GALNTL6: variants seen among roughly 807,000 people sequenced by gnomAD.
GALNTL6 encodes the protein polypeptide N-acetylgalactosaminyltransferase like 6.
Under a neutral mutation model 73.7 loss-of-function variants are expected in GALNTL6, and 46 were observed. The ratio of observed to expected loss-of-function variants is 0.62; its 90% confidence interval spans 0.49 to 0.80. The LOEUF is 0.80. GALNTL6 is among the 30% of genes least tolerant of loss of function. GALNTL6 has a pLI of 0.00. For missense variants in GALNTL6, 604 were observed against 755.0 expected (o/e 0.80, Z 2.34); for synonymous variants, 259 against 263.7 (o/e 0.98, Z 0.17).
At chr4:172,852,835 T>C (rs1036565663) in intron 7 of GALNTL6, among the ~76,000 whole-genome samples, 1 of 152,170 alleles carries the variant, frequency 6.6e-6, no homozygotes, top group Non-Finnish European at 1.5e-5. Context: ...AAAAATGATA[T>C]AAGTCCAGTT....
intron 2 of GALNTL6, among the ~76,000 whole-genome samples, chr4:171,985,193 T>C (rs1740029912): frequency 6.6e-6 from 1 of 152,036 alleles, no homozygotes. Flanking sequence ...TGAGACTGGG[T>C]ATTTTATAAA....
chr4:172,600,601 G>A (rs889281319), intron 5 of GALNTL6, among the ~76,000 whole-genome samples: 1 of 152,130 alleles, frequency 6.6e-6, no homozygotes, highest in Non-Finnish European at 1.5e-5. Context: ...GTAAAACTAC[G>A]TAAGTCTAGG....
rs530551424 is a variant in GALNTL6, at chr4:171,973,990, GTTTGT to G, written c.138+159276_138+159280del. 5.6e-3 allele frequency among the ~76,000 whole-genome samples: 855 copies of G among 151,892 alleles called. 5 individuals are homozygous for G. Among genetic ancestry groups the G allele is most frequent in the African/African-American group, 0.019 (806 of 41,448 alleles). The stretch of plus-strand genomic sequence containing the variant: ...GACATTTTGTTTTTGCAATTTTTTT[GTTTGT>G]TTTATTTTATTTATTTATTTTTTTG... On this transcript the variant is annotated intron_variant, in intron 2 of 12. Coordinates refer to ENST00000506823, the MANE Select transcript of GALNTL6 (RefSeq NM_001034845.3).
At chr4:172,211,570 A>T (rs1049258890) in intron 2 of GALNTL6, among the ~76,000 whole-genome samples, 8 of 152,196 alleles carry the variant, frequency 5.3e-5, no homozygotes, top group African/African-American at 1.9e-4. Flanking sequence ...ATATGTGCAG[A>T]AGCATCAGAA....
intron 8 of GALNTL6, among the ~76,000 whole-genome samples, chr4:172,902,178 TG>T (rs1746662397): frequency 6.6e-6 from 1 of 152,256 alleles, no homozygotes; most frequent in Admixed American, 6.5e-5. Context: ...ACATCTTAAA[TG>T]TTGTCTACTG....
chr4:172,323,309 G>T (rs1740822540), intron 4 of GALNTL6, among the ~76,000 whole-genome samples: 1 of 152,054 alleles, frequency 6.6e-6, no homozygotes, highest in Non-Finnish European at 1.5e-5. Flanking sequence ...TAAATTACTA[G>T]ATATCACTGC....
At chr4:172,263,962 A>G (rs1738344849) in intron 3 of GALNTL6, among the ~76,000 whole-genome samples, 1 of 151,608 alleles carries the variant, frequency 6.6e-6, no homozygotes, top group Non-Finnish European at 1.5e-5. Flanking sequence ...ATATTAAAAT[A>G]TATATGTCTC....
In GALNTL6 at chr4:172,081,785, G is replaced by A. The variant is rs571284445; in HGVS notation, c.139-147871G>A. Among the ~76,000 whole-genome samples, 3 of 152,254 alleles carry A rather than the reference G, an allele frequency of 2.0e-5. No homozygotes were observed. In the East Asian group the frequency reaches 5.8e-4, roughly 29 times the overall value. On this transcript the variant is annotated intron_variant, in intron 2 of 12. Transcript: ENST00000506823. ...CAGCCATACTACAGGAACCCTGGCA[G>A]GAGATAATGGTAGCTTAGACGAGGT... is the stretch of plus-strand genomic sequence containing the variant.
chr4:172,628,814 T>C (rs1463480883), intron 5 of GALNTL6, among the ~76,000 whole-genome samples: 7 of 152,150 alleles, frequency 4.6e-5, no homozygotes, highest in Non-Finnish European at 1.0e-4. Flanking sequence ...CAAAGTAAAC[T>C]TTTTTATATT....
chr4:172,653,645 A>G (rs149800380), intron 5 of GALNTL6, among the ~76,000 whole-genome samples: 24 of 152,318 alleles, frequency 1.6e-4, no homozygotes, highest in African/African-American at 5.1e-4. Context: ...CCCAACAGAC[A>G]TACTTTACTA....
At chr4:172,679,283 C>A (rs1020305904) in intron 5 of GALNTL6, among the ~76,000 whole-genome samples, 1 of 151,888 alleles carries the variant, frequency 6.6e-6, no homozygotes, top group Non-Finnish European at 1.5e-5. Context: ...TGGTGGCAGG[C>A]GCCTGTAATC....
intron 5 of GALNTL6, among the ~76,000 whole-genome samples, chr4:172,708,240 G>A (rs1734482254): frequency 6.6e-6 from 1 of 152,114 alleles, no homozygotes; most frequent in African/African-American, 2.4e-5. Flanking sequence ...TAGAAACGTG[G>A]AGTTTTGCTA....
intron 2 of GALNTL6, among the ~76,000 whole-genome samples, chr4:172,108,534 G>A (rs969590675): frequency 4.6e-5 from 7 of 151,932 alleles, no homozygotes; most frequent in Non-Finnish European, 7.4e-5. Flanking sequence ...CAATTTATTG[G>A]GTGAGTAAAG....
intron 2 of GALNTL6, among the ~76,000 whole-genome samples, chr4:171,924,579 T>G (rs938342000): frequency 2.0e-5 from 3 of 152,198 alleles, no homozygotes; most frequent in African/African-American, 7.2e-5. Context: ...CCTTTTCTTT[T>G]TGACTCTGAG....
intron 10 of GALNTL6, among the ~76,000 whole-genome samples, chr4:172,969,655 A>G (rs1444833731): frequency 6.6e-6 from 1 of 152,236 alleles, no homozygotes; most frequent in Non-Finnish European, 1.5e-5. Context: ...TGCTCAAGAT[A>G]AGAAAATACA....
chr4:172,116,282 CA>C lies in GALNTL6; in HGVS notation c.139-113370del, dbSNP rs541269566. Among the ~76,000 whole-genome samples the C allele has an allele frequency of 1.7e-3, 252 of 152,030 alleles. 2 individuals are homozygous for C. Among genetic ancestry groups the C allele is most frequent in the African/African-American group, 5.5e-3 (229 of 41,466 alleles). ...GTTTTCAAAGGATCAAATTATCATC[CA>C]AAATTAAAAGAAAATAACTTAGTTA... On this transcript the variant is annotated intron_variant, in intron 2 of 12. Coordinates refer to ENST00000506823, the MANE Select transcript of GALNTL6 (RefSeq NM_001034845.3).
chr4:172,343,940 A>G (rs558095528), intron 4 of GALNTL6, among the ~76,000 whole-genome samples: 37 of 152,266 alleles, frequency 2.4e-4, no homozygotes, highest in Admixed American at 1.4e-3. Flanking sequence ...CAACAAAGAG[A>G]TGTCCTTACC....
At chr4:172,275,931 A>C (rs1054559573) in intron 3 of GALNTL6, among the ~76,000 whole-genome samples, 10 of 152,210 alleles carry the variant, frequency 6.6e-5, no homozygotes, top group African/African-American at 2.4e-4. Context: ...CACTCCAGCC[A>C]GGACAACACA....
At position 172,484,739 on chromosome 4, in the gene GALNTL6, A is replaced by G. The variant is rs142926884; in HGVS notation, c.553+136050A>G. Among the ~76,000 whole-genome samples, 397 of 152,296 alleles carry G rather than the reference A, an allele frequency of 2.6e-3. 1 individual carries two copies. The highest frequency in any genetic ancestry group is 4.6e-3 in the Non-Finnish European group (312 of 68,012). ...GTGATTAAATATGTTAGTTCCTTAT[A>G]AAAATAGTAGAAATTACTATTCTCC... On this transcript the variant is annotated intron_variant, in intron 5 of 12. Transcript: ENST00000506823.
Sources: allele counts gnomAD v4.1 joint callset (sites outside exome capture counted in the v4.1 genomes callset), GRCh38; gene constraint gnomAD v4.1.1; transcripts MANE v1.5; gene names NCBI Gene and HGNC (gene_info 2026-07-23, HGNC 2026-07-21).